The following OIT3 variants were observed in gnomAD, a reference collection of about 807,000 sequenced individuals.
OIT3 encodes oncoprotein-induced transcript 3 protein.
OIT3 carries 41 observed loss-of-function variants against 52.2 expected under a neutral mutation model. The ratio of observed to expected loss-of-function variants is 0.79; its 90% CI spans 0.61 to 1.02. The LOEUF (loss-of-function observed/expected upper bound fraction) is 1.02. Among genes scored for constraint, OIT3 ranks in the 50% least tolerant of loss-of-function variants. OIT3 has a pLI of 0.00. For synonymous variants in OIT3, 244 were observed against 276.9 expected (o/e 0.88, Z 1.18); for missense variants, 634 against 715.5 (o/e 0.89, Z 1.30).
chr10:72,915,724 C>T (rs545367389), intron 6 of OIT3, among the ~76,000 whole-genome samples: 4 of 152,138 alleles, frequency 2.6e-5, no homozygotes, highest in East Asian at 1.9e-4. Flanking sequence ...AAATCTCCCA[C>T]GAAAGCACAA....
intron 1 of OIT3, 23 bp downstream of exon 1, chr10:72,893,882 G>A: frequency 1.9e-6 from 3 of 1,589,030 alleles, no homozygotes; most frequent in Middle Eastern, 3.3e-4. Context: ...TCAAGAACTT[G>A]GCACAATGCA....
rs112906475 is a variant in OIT3 at position 72,900,796 on chromosome 10, G to A, written c.544+312G>A. On this transcript the variant is annotated intron_variant, in intron 3 of 8. Transcript: ENST00000334011. The stretch of plus-strand genomic sequence containing the variant: ...TTAAAAGTGATGTTTGGCTACACAC[G>A]GTGGCTCGCACCTGTAATCCCAGCA... Among the ~76,000 whole-genome samples the A allele has an allele frequency of 7.4e-4, 113 of 152,198 alleles. 1 individual carries two copies. The Middle Eastern group carries it at 0.014, about 18-fold the overall frequency.
intron 2 of OIT3, among the ~76,000 whole-genome samples, chr10:72,899,300 G>GA (rs1403717889): frequency 1.3e-5 from 2 of 152,038 alleles, no homozygotes; most frequent in African/African-American, 4.8e-5. Flanking sequence ...CAAAACATTA[G>GA]AAAATGAAAC....
chr10:72,918,357 A>T, intron 6 of OIT3: 1 of 769,184 alleles, frequency 1.3e-6, no homozygotes. Context: ...CTCTGCTTCA[A>T]CAATGTGCAA....
chr10:72,910,302 A>G (rs1182962358), intron 4 of OIT3, among the ~76,000 whole-genome samples: 1 of 152,156 alleles, frequency 6.6e-6, no homozygotes, highest in East Asian at 1.9e-4. Flanking sequence ...CTATAGTATT[A>G]TATATAATCT....
At chr10:72,914,164 G>A (rs767151375) in intron 6 of OIT3, among the ~76,000 whole-genome samples, 5 of 152,208 alleles carry the variant, frequency 3.3e-5, no homozygotes, top group Non-Finnish European at 7.3e-5. Context: ...TAGTCTCTGA[G>A]AGGGGATATG....
At chr10:72,925,115 C>CAAAAAAAAAAA (rs751143274) in intron 7 of OIT3, among the ~76,000 whole-genome samples, 2 of 38,010 alleles carry the variant, frequency 5.3e-5, no homozygotes, top group Non-Finnish European at 1.3e-4. Context: ...CCTAAAATCT[C>CAAAAAAAAAAA]AAAAAAAAAA....
At chr10:72,898,180 C>T (rs964436230) in intron 1 of OIT3, among the ~76,000 whole-genome samples, 4 of 151,222 alleles carry the variant, frequency 2.6e-5, no homozygotes, top group Non-Finnish European at 5.9e-5. Flanking sequence ...CCAGCTACTT[C>T]AGAGGCTGGG....
At chr10:72,904,320 T>C (rs1845960151) in intron 3 of OIT3, among the ~76,000 whole-genome samples, 1 of 152,156 alleles carries the variant, frequency 6.6e-6, no homozygotes, top group South Asian at 2.1e-4. Context: ...CTTCCTTCTT[T>C]AACTCGCTGT....
At chr10:72,909,240 C>T (rs1179595236) in intron 4 of OIT3, among the ~76,000 whole-genome samples, 1 of 151,708 alleles carries the variant, frequency 6.6e-6, no homozygotes, top group African/African-American at 2.4e-5. Context: ...CCCACCTCAG[C>T]CTCTCAAGAA....
At chr10:72,917,953 C>G (rs1846087471) in intron 6 of OIT3, 1 of 898,154 alleles carries the variant, frequency 1.1e-6, no homozygotes. Flanking sequence ...TTCACTGGTG[C>G]TTTTTCTTCA....
chr10:72,930,689 T>C (rs1206469389), intron 8 of OIT3, 52 bp downstream of exon 8: 1 of 1,195,888 alleles, frequency 8.4e-7, no homozygotes, highest in African/African-American at 1.5e-5. Flanking sequence ...CTTTTTTTTT[T>C]TTTTTTTGGT....
chr10:72,913,043 A>G (rs1564593098), intron 5 of OIT3, among the ~76,000 whole-genome samples: 1 of 152,336 alleles, frequency 6.6e-6, no homozygotes, highest in Middle Eastern at 3.4e-3. Context: ...TATGCTGTCT[A>G]CACTTCGAAA....
At position 72,911,859 on chromosome 10, in the gene OIT3, G is replaced by T. The variant is rs751893795; in HGVS notation, c.790+20G>T. 3 of 1,604,510 alleles carry T rather than the reference G, an allele frequency of 1.9e-6. No individual in the cohort carries two copies. The highest frequency in any genetic ancestry group is 2.6e-6 in the Non-Finnish European group (3 of 1,175,612). ...GCCAAGGTAGTACATGGGGCAGGGGGACTTGTCTCTACTCTGATTACACTT... is the reference window on the plus strand; with the variant it reads ...GCCAAGGTAGTACATGGGGCAGGGGTACTTGTCTCTACTCTGATTACACTT... On this transcript the variant is annotated intron_variant, in intron 5 of 8. Coordinates refer to ENST00000334011, the MANE Select transcript of OIT3 (RefSeq NM_152635.3).
chr10:72,917,184 GT>G (rs1846080189), intron 6 of OIT3, among the ~76,000 whole-genome samples: 2 of 151,964 alleles, frequency 1.3e-5, no homozygotes, highest in African/African-American at 4.8e-5. Flanking sequence ...ATTTGCCAAT[GT>G]TTGCTTTTAT....
At chr10:72,903,338 G>A (rs773573923) in intron 3 of OIT3, among the ~76,000 whole-genome samples, 31 of 152,058 alleles carry the variant, frequency 2.0e-4, no homozygotes, top group Non-Finnish European at 3.5e-4. Flanking sequence ...TGATTCTCCC[G>A]CCTCAGCCTC....
intron 8 of OIT3, among the ~76,000 whole-genome samples, chr10:72,932,007 C>T (rs1331541637): frequency 6.6e-6 from 1 of 152,216 alleles, no homozygotes; most frequent in Non-Finnish European, 1.5e-5. Flanking sequence ...ATGCTATCCC[C>T]AGACCTTGGT....
intron 7 of OIT3, among the ~76,000 whole-genome samples, chr10:72,925,484 C>G (rs1289002541): frequency 6.6e-6 from 1 of 152,120 alleles, no homozygotes; most frequent in Non-Finnish European, 1.5e-5. Context: ...GCTGAGAGTG[C>G]AGGGAACAAG....
chr10:72,926,210 C>A (rs1354202313), intron 7 of OIT3, among the ~76,000 whole-genome samples: 2 of 152,238 alleles, frequency 1.3e-5, no homozygotes, highest in Non-Finnish European at 2.9e-5. Context: ...GGGTGGCCTG[C>A]AGGCTCTTGG....
Sources: gnomAD v4.1 joint callset for allele counts (sites outside exome capture counted in the v4.1 genomes callset) on GRCh38, gnomAD v4.1.1 for gene constraint, MANE v1.5 for transcripts, NCBI Gene and HGNC (gene_info 2026-07-23, HGNC 2026-07-21) for gene names.